SHANK2: variants seen among roughly 807,000 people sequenced by gnomAD.
SHANK2 encodes SH3 and multiple ankyrin repeat domains protein 2.
SHANK2 carries 43 observed loss-of-function variants against 133.7 expected under a neutral mutation model. That is an observed-to-expected ratio of 0.32 (90% confidence interval 0.25 to 0.41). The LOEUF (loss-of-function observed/expected upper bound fraction) is 0.41. SHANK2 is among the 10% of genes least tolerant of loss of function. The pLI, the probability that SHANK2 is intolerant of heterozygous loss-of-function variation, is 1.00. For missense variants in SHANK2, 1,994 were observed against 2,235.8 expected (o/e 0.89, Z 2.18); for synonymous variants, 1,017 against 952.8 (o/e 1.07, Z -1.24).
rs980954460 is a variant in SHANK2 at position 70,633,129 on chromosome 11, G to A, written c.2061+26699C>T. 2.0e-5 allele frequency among the ~76,000 whole-genome samples: 3 copies of A among 149,958 alleles called. No homozygotes were observed. The South Asian group carries it at 6.3e-4, about 31-fold the overall frequency. ...TTAGACACGTTGAATATATAAATAC[G>A]TTATATATATTATGTATGTTATATA... On this transcript the variant is annotated intron_variant, in intron 17 of 25. Coordinates refer to ENST00000601538, the MANE Select transcript of SHANK2 (RefSeq NM_012309.5).
At chr11:70,786,825 C>G (rs1202217935) in intron 14 of SHANK2, among the ~76,000 whole-genome samples, 14 of 152,280 alleles carry the variant, frequency 9.2e-5, no homozygotes, top group African/African-American at 2.9e-4. Context: ...TAGCATCATC[C>G]CTTTATCATC....
intron 9 of SHANK2, among the ~76,000 whole-genome samples, chr11:71,059,398 G>C (rs1950961071): frequency 6.6e-6 from 1 of 152,136 alleles, no homozygotes; most frequent in African/African-American, 2.4e-5. Flanking sequence ...CGGTGGTGAT[G>C]GTTGATGGTG....
chr11:70,885,205 G>GCGGGGAACCGCA (rs1387091369), intron 11 of SHANK2, among the ~76,000 whole-genome samples: 3 of 152,168 alleles, frequency 2.0e-5, no homozygotes, highest in Non-Finnish European at 4.4e-5. Flanking sequence ...GGGGAACCGC[G>GCGGGGAACCGCA]CAGGGACCGC....
intron 10 of SHANK2, among the ~76,000 whole-genome samples, chr11:70,897,364 C>T (rs935729749): frequency 2.0e-5 from 3 of 152,206 alleles, no homozygotes; most frequent in East Asian, 1.9e-4. Flanking sequence ...ACACATACAT[C>T]TACAATGCGC....
At chr11:71,163,624 A>C in intron 2 of SHANK2, among the ~76,000 whole-genome samples, 1 of 152,202 alleles carries the variant, frequency 6.6e-6, no homozygotes, top group East Asian at 1.9e-4. Context: ...CTCCTGGTCC[A>C]TCACAGCCAG....
At chr11:71,136,115 G>A (rs1952434235) in intron 3 of SHANK2, among the ~76,000 whole-genome samples, 1 of 152,196 alleles carries the variant, frequency 6.6e-6, no homozygotes, top group Admixed American at 6.5e-5. Context: ...GAATCCAGCT[G>A]ACCATTGAGT....
chr11:70,931,427 A>G (rs1950502693), intron 10 of SHANK2, among the ~76,000 whole-genome samples: 1 of 152,222 alleles, frequency 6.6e-6, no homozygotes, highest in South Asian at 2.1e-4. Flanking sequence ...CCAGCACCAG[A>G]GATGTCTGTC....
chr11:70,950,065 C>T, intron 10 of SHANK2: 3 of 456,628 alleles, frequency 6.6e-6, no homozygotes, highest in Non-Finnish European at 1.3e-5. Flanking sequence ...TGCCTTCAGC[C>T]CTTTTTTTGG....
chr11:71,064,848 AG>A (rs1254988207), intron 9 of SHANK2, among the ~76,000 whole-genome samples: 6 of 152,004 alleles, frequency 3.9e-5, no homozygotes, highest in Non-Finnish European at 8.8e-5. Context: ...GTCTCCTAAG[AG>A]GTCGGCACGT....
chr11:71,120,720 G>C (rs1366329932), intron 3 of SHANK2, among the ~76,000 whole-genome samples: 1 of 152,170 alleles, frequency 6.6e-6, no homozygotes, highest in Non-Finnish European at 1.5e-5. Flanking sequence ...GGCTAAGCAA[G>C]GACTCTCTGG....
chr11:71,095,465 C>T (rs1306621069), intron 6 of SHANK2, among the ~76,000 whole-genome samples: 1 of 152,202 alleles, frequency 6.6e-6, no homozygotes, highest in Non-Finnish European at 1.5e-5. Flanking sequence ...TTTGAGAGTT[C>T]CTCATTTGAG....
At chr11:71,083,531 C>T (rs1951329339) in intron 8 of SHANK2, among the ~76,000 whole-genome samples, 1 of 152,132 alleles carries the variant, frequency 6.6e-6, no homozygotes, top group South Asian at 2.1e-4. Context: ...GGGTTTGCAA[C>T]CCCAGGCTGC....
intron 11 of SHANK2, among the ~76,000 whole-genome samples, chr11:70,893,595 A>T (rs564153048): frequency 1.5e-4 from 23 of 152,348 alleles, no homozygotes; most frequent in African/African-American, 5.5e-4. Flanking sequence ...GTTTTTGTTG[A>T]TGCCAGTTTG....
chr11:70,636,638 AATGTGTGAGCATATGAATAT>A (rs1555004266), intron 17 of SHANK2, among the ~76,000 whole-genome samples: 1 of 149,882 alleles, frequency 6.7e-6, no homozygotes, highest in African/African-American at 2.5e-5. Context: ...CATGTGTGCA[AATGTGTGAGCATATGAATAT>A]ATGTGTGAGC....
At chr11:70,683,243 T>C (rs1163095667) in intron 15 of SHANK2, among the ~76,000 whole-genome samples, 1 of 152,128 alleles carries the variant, frequency 6.6e-6, no homozygotes, top group African/African-American at 2.4e-5. Context: ...CTCCTGAAGC[T>C]CTGGGATTCC....
intron 10 of SHANK2, among the ~76,000 whole-genome samples, chr11:70,924,326 TC>T (rs2135773297): frequency 9.1e-6 from 1 of 109,614 alleles, no homozygotes; most frequent in East Asian, 2.8e-4. Flanking sequence ...CATCCCAGTC[TC>T]ACCTGGGACA....
intron 9 of SHANK2, among the ~76,000 whole-genome samples, chr11:71,065,997 CAGAACTCTCCCA>C (rs1951052176): frequency 1.5e-4 from 15 of 101,354 alleles, no homozygotes; most frequent in South Asian, 3.4e-4. Context: ...GAGGGGAGTA[CAGAACTCTCCCA>C]GGGAGATGAG....
intron 2 of SHANK2, among the ~76,000 whole-genome samples, chr11:71,167,377 C>G (rs1953175997): frequency 6.6e-6 from 1 of 151,780 alleles, no homozygotes; most frequent in Non-Finnish European, 1.5e-5. Flanking sequence ...AGAGGCGCCC[C>G]TCACCTCCCG....
At chr11:70,636,438 TATGA>T (rs1279699227) in intron 17 of SHANK2, among the ~76,000 whole-genome samples, 14 of 152,014 alleles carry the variant, frequency 9.2e-5, no homozygotes, top group Middle Eastern at 3.4e-3. Context: ...TGTGTGAGCA[TATGA>T]ATATGTGTGA....
Sources: allele counts gnomAD v4.1 joint callset (sites outside exome capture counted in the v4.1 genomes callset), GRCh38; gene constraint gnomAD v4.1.1; transcripts MANE v1.5; gene names NCBI Gene and HGNC (gene_info 2026-07-23, HGNC 2026-07-21).